KLRK1: variants seen among roughly 807,000 people sequenced by gnomAD.
The protein encoded by KLRK1 is killer cell lectin like receptor K1.
KLRK1 carries 40 observed loss-of-function variants against 31.3 expected under a neutral mutation model. That is an observed-to-expected ratio of 1.28 (90% CI 0.99 to 1.67). The LOEUF (loss-of-function observed/expected upper bound fraction) is 1.67, where lower values mean the gene tolerates loss of function less well. Among genes scored for constraint, KLRK1 ranks in the 40% most tolerant of loss-of-function variants. KLRK1 has a pLI of 0.00. For synonymous variants in KLRK1, 77 were observed against 77.3 expected (o/e 1.00, Z 0.02); for missense variants, 251 against 260.0 (o/e 0.97, Z 0.24).
intron 3 of KLRK1, among the ~76,000 whole-genome samples, chr12:10,384,372 CA>C (rs1863130122): frequency 6.6e-6 from 1 of 151,954 alleles, no homozygotes; most frequent in African/African-American, 2.4e-5. Flanking sequence ...CTACAACAAC[CA>C]AAACAGTATG....
rs936435847 is a variant in KLRK1, at chr12:10,389,967, T to C, written c.-90A>G. ...CCTGCTCAGAGAGGGAAGATCTTGA[T>C]TCTTGTGGATAAAAGCCTTCTATAA... On this transcript the variant is annotated 5_prime_UTR_variant, in exon 1 of 8. Coordinates refer to ENST00000240618, the MANE Select transcript of KLRK1 (RefSeq NM_007360.4). The C allele has an allele frequency of 6.6e-6, 1 of 152,060 alleles. No individual in the cohort carries two copies. Among genetic ancestry groups the C allele is most frequent in the African/African-American group, 2.4e-5 (1 of 41,426 alleles). The allele number at this position is 152,060 out of a possible 1,614,324, so 9.4% of individuals were successfully genotyped here. A position where few individuals can be genotyped will look rare whatever the true frequency, so the allele number is the denominator to read the frequency against.
chr12:10,377,921 A>C (rs545241649), intron 7 of KLRK1, among the ~76,000 whole-genome samples: 3 of 152,356 alleles, frequency 2.0e-5, no homozygotes, highest in South Asian at 4.1e-4. Context: ...CTTACCATAT[A>C]GTAAACAATT....
At chr12:10,376,502 T>C (rs1862969458) in intron 7 of KLRK1, among the ~76,000 whole-genome samples, 1 of 152,106 alleles carries the variant, frequency 6.6e-6, no homozygotes, top group Non-Finnish European at 1.5e-5. Flanking sequence ...CAAAAAGTAG[T>C]ATCTCAAAAT....
chr12:10,387,575 CTTT>C (rs778380250), intron 2 of KLRK1, among the ~76,000 whole-genome samples: 1 of 142,812 alleles, frequency 7.0e-6, no homozygotes. Flanking sequence ...TTCTTCTTTT[CTTT>C]TTTTTTTTTT....
At chr12:10,388,983 T>C in intron 1 of KLRK1, 108 bp from the exon 2 acceptor site, 1 of 612,364 alleles carries the variant, frequency 1.6e-6, no homozygotes, top group Non-Finnish European at 2.7e-6. Flanking sequence ...TGTGCATGCC[T>C]TTAAGAAAAG....
At chr12:10,378,111 C>T (rs1369575368) in intron 7 of KLRK1, 21 bp downstream of exon 7, 2 of 1,598,968 alleles carry the variant, frequency 1.3e-6, no homozygotes, top group Non-Finnish European at 1.7e-6. Flanking sequence ...AAAGAAGAGA[C>T]TCATTGGGTC....
chr12:10,383,345 G>C (rs751139170), intron 3 of KLRK1, among the ~76,000 whole-genome samples: 2 of 151,944 alleles, frequency 1.3e-5, no homozygotes, highest in Non-Finnish European at 2.9e-5. Flanking sequence ...GTAAAGAGCA[G>C]GCACAGCTAT....
intron 7 of KLRK1, among the ~76,000 whole-genome samples, chr12:10,376,471 C>CTATT (rs1354425059): frequency 1.3e-5 from 2 of 151,956 alleles, no homozygotes; most frequent in African/African-American, 4.8e-5. Context: ...AATTTAGAAA[C>CTATT]TATTTTTAAC....
chr12:10,380,048 TTG>T (rs1320298640), intron 3 of KLRK1, among the ~76,000 whole-genome samples: 65 of 145,522 alleles, frequency 4.5e-4, no homozygotes, highest in African/African-American at 1.5e-3. Flanking sequence ...TTATGATTTT[TTG>T]TTGTTATTGT....
At chr12:10,384,775 A>G (rs907327111) in intron 3 of KLRK1, among the ~76,000 whole-genome samples, 2 of 152,084 alleles carry the variant, frequency 1.3e-5, no homozygotes, top group African/African-American at 4.8e-5. Context: ...ACACTTCTCT[A>G]CTGCATAGGA....
chr12:10,379,236 A>AAAAAAG (rs1863024395), intron 5 of KLRK1: 1 of 108,704 alleles, frequency 9.2e-6, no homozygotes, highest in African/African-American at 3.5e-5. Context: ...AAAAAAAAAG[A>AAAAAAG]GAGAGAGAGA....
rs1862999107 is a variant in KLRK1 at position 10,378,134 on chromosome 12, G to A, written c.531C>T (p.Asn177=). 1 of 1,613,914 alleles carries A rather than the reference G, an allele frequency of 6.2e-7. No homozygotes were observed. Among genetic ancestry groups the A allele is most frequent in the African/African-American group, 1.3e-5 (1 of 75,042 alleles). ...QWEDGSILSP[N]LLTIIEMQKG... Reference sequence around the variant, plus strand: ...GACTCATTGGGTCAGAGACTTACAGGTTGGGTGAGAGAATGGAGCCATCTT... The same window carrying A: ...GACTCATTGGGTCAGAGACTTACAGATTGGGTGAGAGAATGGAGCCATCTT... The change falls in exon 7 of 8, where the codon AAC becomes AAT. Residue 177 remains asparagine (N), a splice_region_variant and synonymous_variant. Transcript: ENST00000240618.
intron 3 of KLRK1, chr12:10,381,849 G>A (rs1328009291): frequency 6.6e-6 from 1 of 152,242 alleles, no homozygotes; most frequent in Non-Finnish European, 1.5e-5. Flanking sequence ...CCCAGATAGT[G>A]CAGTGCTTAG....
chr12:10,373,135 G>T lies in KLRK1; in HGVS notation c.630C>A (p.Ile210=), dbSNP rs769477055. The change falls in exon 8 of 8, where the codon ATC becomes ATA. Residue 210 remains isoleucine, a synonymous_variant. Coordinates refer to ENST00000240618, the MANE Select transcript of KLRK1 (RefSeq NM_007360.4). ...IENCSTPNTY[I]CMQRTV is the part of the protein sequence containing the mutation. ...ATCTTTACACAGTCCTTTGCATGCA[G>T]ATGTACGTATTTGGAGTTGAACAGT... 4 of 1,612,450 alleles carry T rather than the reference G, an allele frequency of 2.5e-6. No homozygotes were observed. In the Admixed American group the frequency reaches 6.7e-5, roughly 27 times the overall value.
In KLRK1 at chr12:10,378,676, A is replaced by C. The variant is rs763868395; in HGVS notation, c.307T>G (p.Trp103Gly). The stretch of plus-strand genomic sequence containing the variant: ...TAGCAGTTATTTTTGTAACATATCC[A>C]GTTTTTAGGACATGGGCCACAGTAA... ...ESYCGPCPKNWICYKNNCYQF... is the reference protein window; with the variant it reads ...ESYCGPCPKNGICYKNNCYQF... The change falls in exon 6 of 8, where the codon TGG becomes GGG. Residue 103 changes from tryptophan (W) to glycine (G), a missense_variant. By Grantham distance (184) the Trp-to-Gly change is radical. Coordinates refer to ENST00000240618, the MANE Select transcript of KLRK1 (RefSeq NM_007360.4). The C allele has an allele frequency of 9.9e-6, 16 of 1,608,060 alleles. No homozygotes were observed. Among genetic ancestry groups the C allele is most frequent in the Non-Finnish European group, 5.9e-6 (7 of 1,178,594 alleles).
chr12:10,385,572 T>G (rs1212320172), intron 3 of KLRK1, among the ~76,000 whole-genome samples: 1 of 151,746 alleles, frequency 6.6e-6, no homozygotes, highest in Admixed American at 6.6e-5. Context: ...CTCACAGAAG[T>G]AGAGAGTAGA....
rs1194983814 is a variant in KLRK1, at chr12:10,378,708, G to T, written c.278-3C>A. ...AGGACATGGGCCACAGTAACTTTCT[G>T]GAAAAGGAGAATATATTATTAATTC... is the stretch of plus-strand genomic sequence containing the variant. On this transcript the variant is annotated splice_region_variant and splice_polypyrimidine_tract_variant and intron_variant, in intron 5 of 7. Transcript: ENST00000240618. 6.3e-7 allele frequency: 1 copy of T among 1,589,644 alleles called. No homozygotes were observed. Among genetic ancestry groups the T allele is most frequent in the East Asian group, 2.2e-5 (1 of 44,628 alleles).
intron 7 of KLRK1, among the ~76,000 whole-genome samples, chr12:10,374,394 T>C (rs1472161627): frequency 8.1e-5 from 8 of 98,426 alleles, no homozygotes; most frequent in Non-Finnish European, 1.2e-4. Flanking sequence ...CTTTCCTCTC[T>C]CTCTTTTTTT....
intron 2 of KLRK1, among the ~76,000 whole-genome samples, chr12:10,388,071 TC>T (rs1863200742): frequency 6.6e-6 from 1 of 152,188 alleles, no homozygotes; most frequent in Non-Finnish European, 1.5e-5. Context: ...ATATGTAAAT[TC>T]ATGTCACGGG....
Sources: allele counts gnomAD v4.1 joint callset (sites outside exome capture counted in the v4.1 genomes callset), GRCh38; gene constraint gnomAD v4.1.1; transcripts MANE v1.5; gene names NCBI Gene and HGNC (gene_info 2026-07-23, HGNC 2026-07-21).